The following WWOX variants were observed in gnomAD, a reference collection of about 807,000 sequenced individuals.
WWOX encodes the protein WW domain containing oxidoreductase.
Under a neutral mutation model 46.2 loss-of-function variants are expected in WWOX, and 69 were observed. The observed-to-expected ratio is 1.49, with a 90% CI of 1.23 to 1.82. The LOEUF (loss-of-function observed/expected upper bound fraction) is 1.82, where lower values mean the gene tolerates loss of function less well. Ranked by LOEUF, WWOX falls within the 40% of genes most tolerant of loss-of-function variation. The pLI is 0.00. For missense variants in WWOX, 919 were observed against 542.6 expected, an observed-to-expected ratio of 1.69 and a Z score of -6.89; for synonymous variants, 359 against 202.6, an observed-to-expected ratio of 1.77 and a Z score of -6.56.
At chr16:78,687,152 T>A (rs1453450436) in intron 8 of WWOX, among the ~76,000 whole-genome samples, 1 of 152,186 alleles carries the variant, frequency 6.6e-6, no homozygotes, top group African/African-American at 2.4e-5. Context: ...ACCACCCAAA[T>A]TAGCAGTGTT....
At chr16:78,685,752 G>A (rs927313384) in intron 8 of WWOX, among the ~76,000 whole-genome samples, 1 of 152,162 alleles carries the variant, frequency 6.6e-6, no homozygotes, top group Non-Finnish European at 1.5e-5. Context: ...GCTTGCCAAG[G>A]AGTAAGATCT....
At chr16:78,695,318 C>A (rs1191293784) in intron 8 of WWOX, among the ~76,000 whole-genome samples, 2 of 152,064 alleles carry the variant, frequency 1.3e-5, no homozygotes, top group Non-Finnish European at 2.9e-5. Flanking sequence ...CTTTTTCTCT[C>A]ACTCCAATTT....
At chr16:78,389,485 A>G (rs1339808612) in intron 6 of WWOX, among the ~76,000 whole-genome samples, 27 of 152,164 alleles carry the variant, frequency 1.8e-4, no homozygotes, top group Admixed American at 1.8e-3. Context: ...TGATAATGAC[A>G]AGAACAGCAG....
At chr16:78,217,823 C>T (rs1348701854) in intron 5 of WWOX, among the ~76,000 whole-genome samples, 2 of 152,146 alleles carry the variant, frequency 1.3e-5, no homozygotes, top group African/African-American at 4.8e-5. Context: ...ATCTTCTGCA[C>T]AGGTCAAGTT....
At chr16:78,570,315 A>T (rs544844617) in intron 8 of WWOX, among the ~76,000 whole-genome samples, 1 of 152,248 alleles carries the variant, frequency 6.6e-6, no homozygotes, top group South Asian at 2.1e-4. Context: ...TTGGTAGTAG[A>T]TGAACTAATG....
intron 6 of WWOX, among the ~76,000 whole-genome samples, chr16:78,419,625 C>CAAAAAAAAAAAAAAAAAAAAAAA (rs60762734): frequency 2.2e-5 from 1 of 44,690 alleles, no homozygotes; most frequent in African/African-American, 7.3e-5. Flanking sequence ...CAAAAAATAG[C>CAAAAAAAAAAAAAAAAAAAAAAA]AAAAAAAAAA....
At chr16:78,584,566 T>A (rs1285569411) in intron 8 of WWOX, among the ~76,000 whole-genome samples, 1 of 152,226 alleles carries the variant, frequency 6.6e-6, no homozygotes. Context: ...TTTTAATATA[T>A]ACCTTTTAAA....
chr16:78,756,600 T>C (rs2049654782), intron 8 of WWOX, among the ~76,000 whole-genome samples: 1 of 152,222 alleles, frequency 6.6e-6, no homozygotes, highest in Non-Finnish European at 1.5e-5. Context: ...AGAGTTTCAT[T>C]GGTTACTGAC....
At chr16:78,502,309 A>G (rs959263165) in intron 8 of WWOX, among the ~76,000 whole-genome samples, 1 of 152,208 alleles carries the variant, frequency 6.6e-6, no homozygotes, top group Non-Finnish European at 1.5e-5. Flanking sequence ...CATTAACCCA[A>G]GAAAATGACC....
chr16:79,056,273 T>C (rs1427543343), intron 8 of WWOX, among the ~76,000 whole-genome samples: 1 of 151,300 alleles, frequency 6.6e-6, no homozygotes, highest in Non-Finnish European at 1.5e-5. Context: ...CCCAGAACAC[T>C]TAAACTTTGG....
intron 8 of WWOX, among the ~76,000 whole-genome samples, chr16:78,590,146 G>GTCTCTGTCTC (rs1555569770): frequency 6.7e-6 from 1 of 149,618 alleles, no homozygotes; most frequent in African/African-American, 2.5e-5. Context: ...TAGGCATTCA[G>GTCTCTGTCTC]TCTCTCTCTC....
chr16:78,516,071 A>T (rs1471374843), intron 8 of WWOX, among the ~76,000 whole-genome samples: 2 of 151,686 alleles, frequency 1.3e-5, no homozygotes, highest in Non-Finnish European at 2.9e-5. Context: ...GCATGTGCTC[A>T]TCCCAATTAT....
At chr16:78,544,619 C>T (rs1478310950) in intron 8 of WWOX, among the ~76,000 whole-genome samples, 2 of 152,182 alleles carry the variant, frequency 1.3e-5, no homozygotes, top group African/African-American at 4.8e-5. Context: ...GGCATGGTGG[C>T]TCACACCTCT....
chr16:78,503,247 C>G (rs1481964365), intron 8 of WWOX, among the ~76,000 whole-genome samples: 1 of 152,106 alleles, frequency 6.6e-6, no homozygotes, highest in Admixed American at 6.5e-5. Context: ...AGTCTTCCAT[C>G]CGCTGGTAAA....
intron 6 of WWOX, among the ~76,000 whole-genome samples, chr16:78,422,673 A>G (rs1432290032): frequency 2.9e-5 from 2 of 68,710 alleles, no homozygotes; most frequent in Non-Finnish European, 5.2e-5. Flanking sequence ...GTATATATAT[A>G]TATATATATA....
chr16:78,476,232 G>T (rs1038072794), intron 8 of WWOX, among the ~76,000 whole-genome samples: 5 of 152,164 alleles, frequency 3.3e-5, no homozygotes, highest in African/African-American at 1.2e-4. Context: ...CAGTGATGAT[G>T]AGCATTGTTT....
At chr16:78,502,340 A>G (rs539010968) in intron 8 of WWOX, among the ~76,000 whole-genome samples, 8 of 151,850 alleles carry the variant, frequency 5.3e-5, no homozygotes, top group African/African-American at 1.9e-4. Context: ...CACCCCAAAT[A>G]CCTCCTCTCT....
intron 5 of WWOX, among the ~76,000 whole-genome samples, chr16:78,191,905 C>A (rs1288759472): frequency 6.6e-6 from 1 of 152,132 alleles, no homozygotes; most frequent in African/African-American, 2.4e-5. Context: ...TTAAATTAAT[C>A]TATTTTCATT....
At chr16:78,636,313 C>G (rs1177552153) in intron 8 of WWOX, among the ~76,000 whole-genome samples, 4 of 152,176 alleles carry the variant, frequency 2.6e-5, no homozygotes, top group Non-Finnish European at 5.9e-5. Flanking sequence ...AGAGACATCA[C>G]AGCCAAAGAC....
Sources: allele counts gnomAD v4.1 joint callset (sites outside exome capture counted in the v4.1 genomes callset), GRCh38; gene constraint gnomAD v4.1.1; transcripts MANE v1.5; gene names NCBI Gene and HGNC (gene_info 2026-07-23, HGNC 2026-07-21).